GPC5: variants seen among roughly 807,000 people sequenced by gnomAD.
GPC5 encodes glypican 5.
Under a neutral mutation model 53.9 loss-of-function variants are expected in GPC5, and 47 were observed. The observed-to-expected ratio is 0.87, with a 90% CI of 0.69 to 1.11. The LOEUF is 1.11. GPC5 is among the 50% of genes most tolerant of loss of function. The pLI, the probability that GPC5 is intolerant of heterozygous loss-of-function variation, is 0.00. For synonymous variants in GPC5, 286 were observed against 263.3 expected (o/e 1.09, Z -0.84); for missense variants, 748 against 713.1 (o/e 1.05, Z -0.56).
intron 6 of GPC5, among the ~76,000 whole-genome samples, chr13:91,967,199 C>T (rs1331792819): frequency 6.6e-6 from 1 of 152,078 alleles, no homozygotes; most frequent in East Asian, 1.9e-4. Flanking sequence ...ACCATCAGAT[C>T]TGGTGAGACT....
intron 7 of GPC5, among the ~76,000 whole-genome samples, chr13:92,187,442 A>T (rs1593975183): frequency 6.6e-6 from 1 of 152,240 alleles, no homozygotes; most frequent in Admixed American, 6.5e-5. Context: ...ACTCAATTTC[A>T]ACACGTCATG....
intron 6 of GPC5, among the ~76,000 whole-genome samples, chr13:92,128,931 C>T (rs2041721644): frequency 6.6e-6 from 1 of 152,018 alleles, no homozygotes; most frequent in South Asian, 2.1e-4. Context: ...CCACTGCACT[C>T]CAGCCTGGGT....
chr13:92,160,815 G>A lies in GPC5; in HGVS notation c.1561+15826G>A, dbSNP rs189147233. On this transcript the variant is annotated intron_variant, in intron 7 of 7. Transcript: ENST00000377067. ...CAAATGGGACTGACAATAAGAAGAC[G>A]CAGCATGCCATTGGTTTTTGAACAC... 1.6e-3 allele frequency among the ~76,000 whole-genome samples: 251 copies of A among 152,222 alleles called. 2 individuals carry two copies. Among genetic ancestry groups the A allele is most frequent in the African/African-American group, 5.7e-3 (238 of 41,548 alleles).
chr13:92,159,696 G>A (rs1030827107), intron 7 of GPC5, among the ~76,000 whole-genome samples: 1 of 137,644 alleles, frequency 7.3e-6, no homozygotes, highest in Non-Finnish European at 1.5e-5. Context: ...TCCGCCTCCC[G>A]GGTTCACGCC....
At chr13:92,136,427 T>A (rs115912584) in intron 6 of GPC5, among the ~76,000 whole-genome samples, 1,575 of 152,316 alleles carry the variant, frequency 0.01, 32 homozygotes, top group African/African-American at 0.034. Context: ...ATAAAAAGTA[T>A]AATTTTTCTA....
At chr13:92,135,826 T>C (rs2041779727) in intron 6 of GPC5, among the ~76,000 whole-genome samples, 1 of 152,166 alleles carries the variant, frequency 6.6e-6, no homozygotes, top group Admixed American at 6.5e-5. Context: ...ATGACTTCGG[T>C]GTCTGGTCAA....
chr13:92,261,181 T>G (rs2042764388), intron 7 of GPC5, among the ~76,000 whole-genome samples: 1 of 152,152 alleles, frequency 6.6e-6, no homozygotes, highest in Non-Finnish European at 1.5e-5. Flanking sequence ...ATGGAAAAAC[T>G]AGAAAAGTGA....
At chr13:92,620,998 TGTAAAA>T (rs1226476529) in intron 7 of GPC5, among the ~76,000 whole-genome samples, 4 of 152,202 alleles carry the variant, frequency 2.6e-5, no homozygotes, top group African/African-American at 9.7e-5. Context: ...ACACAGTCAA[TGTAAAA>T]TTCTCATTTC....
At chr13:92,355,074 A>C (rs1404717048) in intron 7 of GPC5, among the ~76,000 whole-genome samples, 1 of 151,636 alleles carries the variant, frequency 6.6e-6, no homozygotes, top group South Asian at 2.1e-4. Flanking sequence ...TATGCAGATT[A>C]GCTCTATGCC....
intron 5 of GPC5, among the ~76,000 whole-genome samples, chr13:91,772,136 G>A (rs920533188): frequency 3.3e-5 from 5 of 152,108 alleles, no homozygotes; most frequent in Non-Finnish European, 5.9e-5. Context: ...GACAAGAAGA[G>A]AACTTCATCT....
chr13:92,262,660 AT>A (rs1197120348), intron 7 of GPC5, among the ~76,000 whole-genome samples: 2 of 152,210 alleles, frequency 1.3e-5, no homozygotes, highest in African/African-American at 4.8e-5. Context: ...AATTCAGACA[AT>A]TGCATCATAG....
At chr13:91,408,064 C>T (rs1877457440) in intron 1 of GPC5, among the ~76,000 whole-genome samples, 1 of 152,106 alleles carries the variant, frequency 6.6e-6, no homozygotes, top group South Asian at 2.1e-4. Flanking sequence ...GTGGTGAGGA[C>T]ATTTAACATT....
intron 7 of GPC5, among the ~76,000 whole-genome samples, chr13:92,313,649 G>A (rs1021174279): frequency 2.0e-5 from 3 of 152,036 alleles, no homozygotes; most frequent in African/African-American, 7.2e-5. Context: ...GGCTATAGAC[G>A]GCACTTCCAT....
intron 6 of GPC5, among the ~76,000 whole-genome samples, chr13:91,956,187 G>C (rs553576820): frequency 1.3e-5 from 2 of 151,574 alleles, no homozygotes; most frequent in African/African-American, 4.8e-5. Flanking sequence ...CAATACTCAA[G>C]CATGCCACCT....
At chr13:92,587,036 G>A (rs563883413) in intron 7 of GPC5, among the ~76,000 whole-genome samples, 1 of 151,838 alleles carries the variant, frequency 6.6e-6, no homozygotes, top group African/African-American at 2.4e-5. Flanking sequence ...TTTTCTTCTT[G>A]AACCATCGAT....
chr13:92,025,751 G>C (rs140810742), intron 6 of GPC5, among the ~76,000 whole-genome samples: 3 of 152,214 alleles, frequency 2.0e-5, no homozygotes, highest in Non-Finnish European at 4.4e-5. Context: ...TATTGTAGAT[G>C]ATTATCTCTT....
chr13:92,466,287 T>G (rs576429852), intron 7 of GPC5, among the ~76,000 whole-genome samples: 1 of 152,168 alleles, frequency 6.6e-6, no homozygotes, highest in African/African-American at 2.4e-5. Flanking sequence ...ACTTAGTGTT[T>G]GCTTTAGAAA....
chr13:91,685,074 A>G (rs1188381786), intron 2 of GPC5, among the ~76,000 whole-genome samples: 1 of 151,972 alleles, frequency 6.6e-6, no homozygotes. Flanking sequence ...TTCTCACTGT[A>G]TCTAAAATGG....
intron 7 of GPC5, among the ~76,000 whole-genome samples, chr13:92,161,995 A>ATATATATATATATG (rs1566463128): frequency 8.0e-6 from 1 of 124,908 alleles, no homozygotes; most frequent in Non-Finnish European, 1.7e-5. Flanking sequence ...ATATATATAT[A>ATATATATATATATG]TGAAACTAAA....
Sources: allele counts gnomAD v4.1 joint callset (sites outside exome capture counted in the v4.1 genomes callset), GRCh38; gene constraint gnomAD v4.1.1; transcripts MANE v1.5; gene names NCBI Gene and HGNC (gene_info 2026-07-23, HGNC 2026-07-21).